Variants in PHYHIPL observed in about 807,000 individuals in gnomAD.
PHYHIPL encodes the protein phytanoyl-CoA 2-hydroxylase interacting protein like, also known as phytanoyl-CoA hydroxylase-interacting protein-like.
In PHYHIPL, 9 loss-of-function variants were observed where a neutral mutation model predicts 33.4. The ratio of observed to expected loss-of-function variants is 0.27; its 90% CI spans 0.16 to 0.47. The LOEUF (loss-of-function observed/expected upper bound fraction) is 0.47. Among genes scored for constraint, PHYHIPL ranks in the 20% least tolerant of loss-of-function variants. The pLI is 0.99. For missense variants in PHYHIPL, 365 were observed against 460.7 expected (o/e 0.79, Z 1.90); for synonymous variants, 153 against 154.1 (o/e 0.99, Z 0.05).
intron 1 of PHYHIPL, among the ~76,000 whole-genome samples, chr10:59,207,823 C>T (rs534666036): frequency 8.0e-5 from 12 of 149,282 alleles, no homozygotes; most frequent in Admixed American, 1.3e-4. Flanking sequence ...ATCTGGGAGG[C>T]GGAGCTTGCA....
chr10:59,199,812 G>C (rs1014797396), intron 1 of PHYHIPL, among the ~76,000 whole-genome samples: 2 of 152,082 alleles, frequency 1.3e-5, no homozygotes, highest in African/African-American at 4.8e-5. Context: ...TCTTCTCTTT[G>C]AAGCAATTGT....
chr10:59,244,961 T>TAACA (rs2133311655), intron 4 of PHYHIPL, 96 bp from the exon 5 acceptor site: 2 of 1,309,718 alleles, frequency 1.5e-6, no homozygotes, highest in East Asian at 2.4e-5. Context: ...TTCAGGCCTT[T>TAACA]AACAGTAGAT....
At chr10:59,214,383 AAAG>A (rs1839549647) in intron 1 of PHYHIPL, among the ~76,000 whole-genome samples, 2 of 152,120 alleles carry the variant, frequency 1.3e-5, no homozygotes. Flanking sequence ...ATCACACAAA[AAAG>A]AAGTATTCCA....
In PHYHIPL at chr10:59,193,911, C is replaced by T. The variant is rs186354607; in HGVS notation, c.106+16952C>T. Among the ~76,000 whole-genome samples, 132 of 152,118 alleles carry T rather than the reference C, an allele frequency of 8.7e-4. 3 individuals carry two copies. The highest frequency in any genetic ancestry group is 1.3e-3 in the Non-Finnish European group (91 of 67,988). ...GTTCTGGAATTTGCTGTTTATACTA[C>T]TTGTTTTGCTAAAAGCTTTACATAT... On this transcript the variant is annotated intron_variant, in intron 1 of 4. Transcript: ENST00000373880.
At position 59,236,587 on chromosome 10, in the gene PHYHIPL, T is replaced by G. The variant is rs1006033644; in HGVS notation, c.408T>G (p.Thr136=). The change falls in exon 3 of 5, where the codon ACT becomes ACG. Residue 136 remains threonine (T), a synonymous_variant. Coordinates refer to ENST00000373880, the MANE Select transcript of PHYHIPL (RefSeq NM_032439.4). ...PRTEYTVAVQ[T]ASKQVDGDYV... Reference sequence around the variant, plus strand: ...CTGAATATACAGTAGCAGTGCAGACTGCCTCAAAACAAGTTGATGGTGATT... The same window carrying G: ...CTGAATATACAGTAGCAGTGCAGACGGCCTCAAAACAAGTTGATGGTGATT... The G allele has an allele frequency of 6.2e-7, 1 of 1,611,162 alleles. No homozygotes were observed. Among genetic ancestry groups the G allele is most frequent in the Non-Finnish European group, 8.5e-7 (1 of 1,178,304 alleles).
chr10:59,184,152 C>T (rs1463026720), intron 1 of PHYHIPL, among the ~76,000 whole-genome samples: 7 of 152,120 alleles, frequency 4.6e-5, no homozygotes, highest in African/African-American at 1.2e-4. Context: ...AGAACAGGGG[C>T]GTGCATGTTA....
intron 1 of PHYHIPL, among the ~76,000 whole-genome samples, chr10:59,200,641 C>A (rs1169256640): frequency 6.6e-6 from 1 of 152,096 alleles, no homozygotes; most frequent in Non-Finnish European, 1.5e-5. Flanking sequence ...GGTACCAGCT[C>A]CTCCTTGTAC....
chr10:59,230,700 C>T (rs953388161), intron 1 of PHYHIPL, among the ~76,000 whole-genome samples: 8 of 152,076 alleles, frequency 5.3e-5, no homozygotes, highest in African/African-American at 1.4e-4. Flanking sequence ...GAGGTCCTGA[C>T]GACATGTGCC....
At chr10:59,232,315 G>GT (rs1840102930) in intron 1 of PHYHIPL, among the ~76,000 whole-genome samples, 2 of 151,924 alleles carry the variant, frequency 1.3e-5, no homozygotes, top group African/African-American at 2.4e-5. Flanking sequence ...TAATCTAGTG[G>GT]TTTTGTGATG....
rs749257492 is a variant in PHYHIPL at position 59,245,223 on chromosome 10, G to A, written c.763G>A (p.Ala255Thr). Residue 255 changes from alanine to threonine, a missense_variant, in exon 5 of 5, where the codon GCC (alanine) becomes ACC (threonine). Ala to Thr is a moderately conservative substitution (Grantham distance 58). This residue lies in a region of PHYHIPL where 196 missense variants were observed against 224.9 expected (regional missense o/e 0.87). Transcript: ENST00000373880. ...TTATGGAAGATACAGGTTTGAGATT[G>A]CCGCAGAAAAACTTTTTAACCCCAA... is the stretch of plus-strand genomic sequence containing the variant. ...SPYGRYRFEIAAEKLFNPNTN... is the reference protein window; with the variant it reads ...SPYGRYRFEITAEKLFNPNTN... The A allele has an allele frequency of 1.2e-6, 2 of 1,614,154 alleles. No individual in the cohort carries two copies. Among genetic ancestry groups the A allele is most frequent in the South Asian group, 2.2e-5 (2 of 91,078 alleles).
At position 59,245,748 on chromosome 10, in the gene PHYHIPL, C is replaced by T. The variant is rs751143064; in HGVS notation, c.*157C>T. 2.6e-6 allele frequency: 2 copies of T among 769,868 alleles called. No homozygotes were observed. Among genetic ancestry groups the T allele is most frequent in the East Asian group, 5.5e-5 (2 of 36,294 alleles). The allele number at this position is 769,868 out of a possible 1,614,324, so 47.7% of individuals were successfully genotyped here. ...CCACTTTCCAAATTTCATTCAGAAC[C>T]ATTTTAGTGTTTTCCTATTCCCTAC... On this transcript the variant is annotated 3_prime_UTR_variant, in exon 5 of 5. Transcript: ENST00000373880.
chr10:59,186,352 T>A, intron 1 of PHYHIPL, among the ~76,000 whole-genome samples: 1 of 152,216 alleles, frequency 6.6e-6, no homozygotes, highest in Non-Finnish European at 1.5e-5. Context: ...AGTACCATGC[T>A]GTTTTGGTTA....
At chr10:59,181,087 C>T (rs1222263208) in intron 1 of PHYHIPL, among the ~76,000 whole-genome samples, 1 of 152,092 alleles carries the variant, frequency 6.6e-6, no homozygotes, top group African/African-American at 2.4e-5. Flanking sequence ...TAGCCTCAAG[C>T]TTTCTTATGT....
intron 1 of PHYHIPL, among the ~76,000 whole-genome samples, chr10:59,178,773 T>C (rs1035217123): frequency 6.6e-6 from 1 of 152,184 alleles, no homozygotes; most frequent in Non-Finnish European, 1.5e-5. Flanking sequence ...ATGCTGTATT[T>C]ACTGTGATCC....
intron 1 of PHYHIPL, chr10:59,219,259 G>C (rs1839697893): frequency 1.1e-6 from 1 of 932,828 alleles, no homozygotes. Flanking sequence ...AGTAGAGTTA[G>C]GAATAAATTG....
chr10:59,185,773 G>A (rs1838578146), intron 1 of PHYHIPL, among the ~76,000 whole-genome samples: 1 of 152,180 alleles, frequency 6.6e-6, no homozygotes, highest in South Asian at 2.1e-4. Flanking sequence ...CTTTTGAGAA[G>A]TGTCTGTTCA....
intron 1 of PHYHIPL, among the ~76,000 whole-genome samples, chr10:59,210,170 G>T (rs1023422076): frequency 1.3e-5 from 2 of 151,914 alleles, no homozygotes; most frequent in East Asian, 3.9e-4. Flanking sequence ...AAAATTTTGC[G>T]CTCTATCCAT....
At chr10:59,224,507 C>T (rs1435917379) in intron 1 of PHYHIPL, among the ~76,000 whole-genome samples, 1 of 151,182 alleles carries the variant, frequency 6.6e-6, no homozygotes, top group Non-Finnish European at 1.5e-5. Flanking sequence ...AAAAACAAAA[C>T]AAAAAACAAA....
intron 1 of PHYHIPL, among the ~76,000 whole-genome samples, chr10:59,185,012 A>T (rs1838536687): frequency 8.9e-6 from 1 of 112,318 alleles, no homozygotes; most frequent in African/African-American, 3.7e-5. Flanking sequence ...TTTTTTTGAG[A>T]CGGAGTCTCG....
Sources: gnomAD v4.1 joint callset for allele counts (sites outside exome capture counted in the v4.1 genomes callset) on GRCh38, gnomAD v4.1.1 for gene constraint, gnomAD v4.1.1 regional missense constraint, MANE v1.5 for transcripts, NCBI Gene and HGNC (gene_info 2026-07-23, HGNC 2026-07-21) for gene names.